CASP5: variants seen among roughly 807,000 people sequenced by gnomAD.
CASP5 encodes the protein caspase 5, also known as caspase-5.
Under a neutral mutation model 45.2 loss-of-function variants are expected in CASP5, and 42 were observed. That is an observed-to-expected ratio of 0.93 (90% CI 0.73 to 1.20). The LOEUF is 1.20. Ranked by LOEUF, CASP5 falls within the 50% of genes most tolerant of loss-of-function variation. The probability of loss-of-function intolerance (pLI) is 0.00; values close to 1 mark genes in which losing one functional copy is unlikely to be tolerated. For missense variants in CASP5, 512 were observed against 532.2 expected, an observed-to-expected ratio of 0.96 and a Z score of 0.37; for synonymous variants, 209 against 186.2, an observed-to-expected ratio of 1.12 and a Z score of -1.00.
chr11:105,009,733 A>ACACG (rs1425325251), intron 1 of CASP5, among the ~76,000 whole-genome samples: 16 of 62,110 alleles, frequency 2.6e-4, no homozygotes, highest in African/African-American at 1.4e-3. Flanking sequence ...ATATATATAT[A>ACACG]TATATATATA....
chr11:105,003,457 G>C (rs1347661431), intron 3 of CASP5, 74 bp from the exon 4 acceptor site: 4 of 722,142 alleles, frequency 5.5e-6, no homozygotes, highest in Non-Finnish European at 9.3e-6. Flanking sequence ...AACTTTGAGA[G>C]AGAGAGAGAG....
intron 7 of CASP5, among the ~76,000 whole-genome samples, chr11:104,998,240 A>T (rs941549572): frequency 6.6e-6 from 1 of 152,160 alleles, no homozygotes; most frequent in East Asian, 1.9e-4. Flanking sequence ...TACAGTTTTC[A>T]TATGTCAGCT....
At chr11:105,009,321 A>C (rs771185767) in intron 1 of CASP5, among the ~76,000 whole-genome samples, 21 of 151,868 alleles carry the variant, frequency 1.4e-4, no homozygotes, top group Non-Finnish European at 2.7e-4. Context: ...AAGTGTGTGC[A>C]CCCAGGACAG....
intron 1 of CASP5, among the ~76,000 whole-genome samples, chr11:105,020,242 G>C (rs1200057175): frequency 6.7e-6 from 1 of 149,830 alleles, no homozygotes; most frequent in Non-Finnish European, 1.5e-5. Flanking sequence ...TTTGAAAACT[G>C]GCACAAGACA....
At chr11:104,998,776 C>T in intron 7 of CASP5, 109 bp downstream of exon 7, 1 of 1,061,526 alleles carries the variant, frequency 9.4e-7, no homozygotes, top group South Asian at 1.5e-5. Context: ...AGAGAGCACA[C>T]ACCATTCTCT....
chr11:104,997,855 G>C (rs945043291), intron 7 of CASP5, among the ~76,000 whole-genome samples: 2 of 152,210 alleles, frequency 1.3e-5, no homozygotes, highest in Non-Finnish European at 2.9e-5. Flanking sequence ...AAACTTTTAG[G>C]TTCAGTGAGG....
At chr11:105,011,697 TA>T (rs55908070) in intron 1 of CASP5, among the ~76,000 whole-genome samples, 8,638 of 151,594 alleles carry the variant, frequency 0.057, 245 homozygotes, top group African/African-American at 0.064. Flanking sequence ...ATAATGGCTA[TA>T]AAAAAATTTC....
rs1259968653 is a variant in CASP5, at chr11:105,019,694, C to G, written c.7+3436G>C. ...TTACCAACTAAAAAGAGTCCAGGAC[C>G]AGATGGATTCACAGCCGAATTCTAC... On this transcript the variant is annotated intron_variant, in intron 1 of 9. Transcript: ENST00000260315. 2.1e-5 allele frequency among the ~76,000 whole-genome samples: 3 copies of G among 144,502 alleles called. 1 individual carries two copies. Among genetic ancestry groups the G allele is most frequent in the African/African-American group, 7.5e-5 (3 of 40,028 alleles). 94.8% of individuals were successfully genotyped at this position (144,502 alleles called of 152,430 possible).
chr11:105,007,051 T>G, intron 3 of CASP5, 32 bp downstream of exon 3: 1 of 1,577,920 alleles, frequency 6.3e-7, no homozygotes, highest in Middle Eastern at 1.7e-4. Flanking sequence ...CTGGAAAATT[T>G]AACATATTTA....
chr11:105,005,274 A>C (rs1383885407), intron 3 of CASP5, among the ~76,000 whole-genome samples: 1 of 152,058 alleles, frequency 6.6e-6, no homozygotes, highest in African/African-American at 2.4e-5. Flanking sequence ...GGATCAGTAA[A>C]GCAATTTCCC....
chr11:105,000,584 A>G, intron 5 of CASP5, 89 bp from the exon 6 acceptor site: 2 of 1,194,560 alleles, frequency 1.7e-6, no homozygotes, highest in East Asian at 4.8e-5. Flanking sequence ...CAAGAAACAT[A>G]TGTAACATCC....
chr11:105,009,335 A>G (rs1042460062), intron 1 of CASP5, among the ~76,000 whole-genome samples: 1 of 151,820 alleles, frequency 6.6e-6, no homozygotes, highest in Non-Finnish European at 1.5e-5. Context: ...AGGACAGTCC[A>G]TTCTCTTGTC....
At chr11:105,001,620 A>G (rs1591156974) in intron 5 of CASP5, among the ~76,000 whole-genome samples, 1 of 152,106 alleles carries the variant, frequency 6.6e-6, no homozygotes, top group African/African-American at 2.4e-5. Context: ...TCACGCCACT[A>G]CACTCCAGCC....
chr11:105,019,524 A>G (rs1862827934), intron 1 of CASP5, among the ~76,000 whole-genome samples: 1 of 151,264 alleles, frequency 6.6e-6, no homozygotes, highest in Non-Finnish European at 1.5e-5. Flanking sequence ...AATACTACAA[A>G]CACCTCTACG....
At position 105,008,832 on chromosome 11, in the gene CASP5, C is replaced by T. The variant is rs185729600; in HGVS notation, c.156G>A (p.Thr52=). Residue 52 remains threonine, a synonymous_variant, in exon 2 of 10, where the codon ACG becomes ACA. Coordinates refer to ENST00000260315, the MANE Select transcript of CASP5 (RefSeq NM_004347.5). ...TTTTTACACTGGTCGACTTTTGATC[C>T]GTATTAGGTACTAGGGTCTGGATAG... ...QTSIQTLVPN[T]DQKSTSVKKD... The T allele has an allele frequency of 1.9e-6, 3 of 1,608,118 alleles. No individual in the cohort carries two copies. Among genetic ancestry groups the T allele is most frequent in the East Asian group, 2.2e-5 (1 of 44,798 alleles).
chr11:105,015,711 A>G (rs1223622372), intron 1 of CASP5, among the ~76,000 whole-genome samples: 2 of 151,380 alleles, frequency 1.3e-5, no homozygotes, highest in African/African-American at 4.9e-5. Flanking sequence ...AATTTGACTT[A>G]CTCCTCCCTG....
Position 105,007,868 on chromosome 11 carries a change from C to T in CASP5, c.182-534G>A, listed in dbSNP as rs571651056. ...TTTGTGCCCAAAATGCTTAAAAGTA[C>T]TTAGCATGCTTGCTAAATACATGAC... On this transcript the variant is annotated intron_variant, in intron 2 of 9. Transcript: ENST00000260315. Among the ~76,000 whole-genome samples the T allele has an allele frequency of 1.7e-4, 26 of 152,224 alleles. No homozygotes were observed. In the South Asian group the frequency reaches 2.1e-3, roughly 12 times the overall value.
chr11:105,022,996 A>T (rs113164001), intron 1 of CASP5, 134 bp downstream of exon 1: 3 of 804,916 alleles, frequency 3.7e-6, no homozygotes, highest in Non-Finnish European at 6.3e-6. Flanking sequence ...CATACCACCA[A>T]TAAGAGAAAG....
In CASP5 at chr11:105,007,281, C is replaced by T. The variant is rs1472104311; in HGVS notation, c.235G>A (p.Val79Ile). Reference protein sequence around the residue: ...VKMLEYLGKDVLHGVFNYLAK... With the variant: ...VKMLEYLGKDILHGVFNYLAK... ...AAATAATTAAAAACACCATGAAGAA[C>T]ATCTTTGCCCAGGTATTCCAACATC... Residue 79 changes from valine to isoleucine, a missense_variant, in exon 3 of 10, where the codon GTT becomes ATT. By Grantham distance (29) the Val-to-Ile change is conservative (BLOSUM62 3). Coordinates refer to ENST00000260315, the MANE Select transcript of CASP5 (RefSeq NM_004347.5). 2 of 1,609,942 alleles carry T rather than the reference C, an allele frequency of 1.2e-6. No homozygotes were observed. Among genetic ancestry groups the T allele is most frequent in the East Asian group, 2.2e-5 (1 of 44,864 alleles).
Sources: gnomAD v4.1 joint callset for allele counts (sites outside exome capture counted in the v4.1 genomes callset) on GRCh38, gnomAD v4.1.1 for gene constraint, MANE v1.5 for transcripts, NCBI Gene and HGNC (gene_info 2026-07-23, HGNC 2026-07-21) for gene names.